The following PIGB variants were observed in gnomAD, a reference collection of about 807,000 sequenced individuals.
The protein encoded by PIGB is GPI alpha-1,2-mannosyltransferase 3.
Under a neutral mutation model 68.4 loss-of-function variants are expected in PIGB, and 58 were observed. That is an observed-to-expected ratio of 0.85 (90% confidence interval 0.69 to 1.06). The LOEUF (loss-of-function observed/expected upper bound fraction) is 1.06, where lower values mean the gene tolerates loss of function less well. PIGB is among the 50% of genes least tolerant of loss of function. The pLI, the probability that PIGB is intolerant of heterozygous loss-of-function variation, is 0.00. For synonymous variants in PIGB, 219 were observed against 220.5 expected (o/e 0.99, Z 0.06); for missense variants, 634 against 655.8 (o/e 0.97, Z 0.36).
In PIGB at chr15:55,354,909, G is replaced by A; in HGVS notation, c.1449G>A (p.Trp483Ter). 1 of 1,613,338 alleles carries A rather than the reference G, an allele frequency of 6.2e-7. No individual in the cohort carries two copies. The highest frequency in any genetic ancestry group is 8.5e-7 in the Non-Finnish European group (1 of 1,179,584). Residue 483 changes from tryptophan to a stop codon, truncating the protein, a stop_gained, in exon 11 of 12, where the codon TGG becomes TGA. Transcript: ENST00000164305. LOFTEE classifies it high-confidence loss of function. ...TATTTTACCTAAATCCCTTAAACTG[G>A]TTACATAGAGAGTTTCATGATGATG... ...ADVFYLNPLN[W>*]LHREFHDDAS...
At chr15:55,321,957 C>T (rs1325078036) in intron 3 of PIGB, among the ~76,000 whole-genome samples, 2 of 147,942 alleles carry the variant, frequency 1.4e-5, no homozygotes, top group African/African-American at 4.9e-5. Context: ...GGCGGATCAC[C>T]TGAGGTTGGG....
chr15:55,350,898 T>A lies in PIGB; in HGVS notation c.1323T>A (p.Ser441=). The A allele has an allele frequency of 6.4e-7, 1 of 1,551,044 alleles. No individual in the cohort carries two copies. Among genetic ancestry groups the A allele is most frequent in the Non-Finnish European group, 8.9e-7 (1 of 1,125,140 alleles). The change falls in exon 10 of 12, where the codon TCT becomes TCA. Residue 441 remains serine, a synonymous_variant. Coordinates refer to ENST00000164305, the MANE Select transcript of PIGB (RefSeq NM_004855.5). ...TATTTATAATGATGCCTTGCCACTC[T>A]ACTCCTTATTACAGGTAATAAAAGA... ...ASIFIMMPCH[S]TPYYSHVHCP...
intron 9 of PIGB, chr15:55,348,465 C>T (rs1378039798): frequency 6.6e-6 from 1 of 152,276 alleles, no homozygotes; most frequent in African/African-American, 2.4e-5. Context: ...GGAGGTGGGG[C>T]CTAATGGGAG....
rs377008200 is a variant in PIGB, at chr15:55,355,380, A to T, written c.1613A>T (p.Tyr538Phe). The T allele has an allele frequency of 3.1e-6, 5 of 1,611,824 alleles. No individual in the cohort carries two copies. In the African/African-American group the frequency reaches 5.3e-5, roughly 17 times the overall value. Residue 538 changes from tyrosine to phenylalanine, a missense_variant, in exon 12 of 12, where the codon TAT (tyrosine) becomes TTT (phenylalanine). Tyr to Phe is a conservative substitution (Grantham distance 22, BLOSUM62 3). Coordinates refer to ENST00000164305, the MANE Select transcript of PIGB (RefSeq NM_004855.5). ...LPEGRIGSHI[Y>F]VYERKLKGKF... ...GAGGGTCGAATTGGAAGTCACATAT[A>T]TGTCTATGAACGGAAGTTAAAAGGG...
At chr15:55,320,456 T>G (rs2055137670) in intron 2 of PIGB, 46 bp downstream of exon 2, 1 of 1,573,634 alleles carries the variant, frequency 6.4e-7, no homozygotes, top group African/African-American at 1.4e-5. Context: ...TGTATTCATC[T>G]TGGAAATTGT....
In PIGB at chr15:55,341,063, T is replaced by TA. The variant is rs11353654; in HGVS notation, c.1058+254dup. Among the ~76,000 whole-genome samples, 710 of 144,810 alleles carry TA rather than the reference T, an allele frequency of 4.9e-3. 7 individuals are homozygous for TA. Among genetic ancestry groups the TA allele is most frequent in the Middle Eastern group, 7.2e-3 (2 of 276 alleles). ...GAACTTGGACTAATTTTATTTGCTTTAAAAAAAAAAAAAACAGACCAGGCA... is the reference window on the plus strand; with the variant it reads ...GAACTTGGACTAATTTTATTTGCTTTAAAAAAAAAAAAAAACAGACCAGGCA... On this transcript the variant is annotated intron_variant, in intron 8 of 11. Transcript: ENST00000164305.
intron 11 of PIGB, 96 bp from the exon 12 acceptor site, chr15:55,355,190 T>C: frequency 9.6e-7 from 1 of 1,037,384 alleles, no homozygotes; most frequent in Admixed American, 2.8e-5. Context: ...AGCAAAAAGT[T>C]GTAGACAGCA....
Position 55,319,229 on chromosome 15 carries a change from C to T in PIGB, c.-22C>T, listed in dbSNP as rs1313067499. ...GCGCGCTACTGCAGCTTTCTTCCGC[C>T]TTAGGAAGGTGGCGGCCAGGGATGA... On this transcript the variant is annotated 5_prime_UTR_variant, in exon 1 of 12. Transcript: ENST00000164305. 6.3e-7 allele frequency: 1 copy of T among 1,595,530 alleles called. No homozygotes were observed. The highest frequency in any genetic ancestry group is 8.5e-7 in the Non-Finnish European group (1 of 1,171,428).
intron 6 of PIGB, among the ~76,000 whole-genome samples, chr15:55,338,031 C>A (rs1444761990): frequency 6.6e-6 from 1 of 152,120 alleles, no homozygotes; most frequent in African/African-American, 2.4e-5. Flanking sequence ...CTTTGGGTTA[C>A]TTTTGGGGAG....
chr15:55,319,450 C>G, intron 1 of PIGB, 37 bp downstream of exon 1: 4 of 1,511,040 alleles, frequency 2.6e-6, no homozygotes, highest in African/African-American at 1.4e-5. Flanking sequence ...GCTCCTACCC[C>G]CATCTAAAAG....
chr15:55,326,244 T>C (rs982378288), intron 3 of PIGB, among the ~76,000 whole-genome samples: 2 of 151,796 alleles, frequency 1.3e-5, no homozygotes, highest in Non-Finnish European at 2.9e-5. Flanking sequence ...TATTTCTTAT[T>C]ATCTTATTTT....
chr15:55,332,529 C>G (rs973279317), intron 5 of PIGB, among the ~76,000 whole-genome samples: 1 of 151,980 alleles, frequency 6.6e-6, no homozygotes, highest in African/African-American at 2.4e-5. Context: ...TGCCACCACA[C>G]CCAGCTAATT....
chr15:55,354,811 C>A lies in PIGB; in HGVS notation c.1351C>A (p.Pro451Thr). The A allele has an allele frequency of 6.2e-7, 1 of 1,608,180 alleles. No individual in the cohort carries two copies. Among genetic ancestry groups the A allele is most frequent in the African/African-American group, 1.3e-5 (1 of 74,676 alleles). ...TTCTTTTCATAGCCATGTTCACTGC[C>A]CACTTCCCATGAGATTTCTCCAGTG... ...STPYYSHVHC[P>T]LPMRFLQCPP... Residue 451 changes from proline (P) to threonine (T), a missense_variant, in exon 11 of 12, where the codon CCA becomes ACA. Transcript: ENST00000164305.
intron 4 of PIGB, 121 bp from the exon 5 acceptor site, chr15:55,329,603 C>T (rs2141176404): frequency 1.3e-6 from 1 of 783,034 alleles, no homozygotes; most frequent in Non-Finnish European, 2.0e-6. Flanking sequence ...CTTACTTTAA[C>T]ATCATCTACC....
At chr15:55,355,134 G>A (rs1466999714) in intron 11 of PIGB, 152 bp from the exon 12 acceptor site, 8 of 881,446 alleles carry the variant, frequency 9.1e-6, no homozygotes, top group African/African-American at 5.2e-5. Context: ...CCCCAGTTCT[G>A]TAACTATCAA....
rs1455496257 is a variant in PIGB, at chr15:55,340,838, G to A, written c.1058+15G>A. On this transcript the variant is annotated intron_variant, in intron 8 of 11. Transcript: ENST00000164305. ...CTTGTTTATAGGTAAGATTTTATTT[G>A]TTCAAAAGGCTAAAATTTTTTATGT... The A allele has an allele frequency of 6.1e-6, 9 of 1,476,366 alleles. No individual in the cohort carries two copies. The highest frequency in any genetic ancestry group is 7.3e-6 in the Non-Finnish European group (8 of 1,092,058). The allele number at this position is 1,476,366 out of a possible 1,614,324, so 91.5% of individuals were successfully genotyped here.
At chr15:55,349,064 T>A (rs2055867629) in intron 9 of PIGB, among the ~76,000 whole-genome samples, 1 of 151,730 alleles carries the variant, frequency 6.6e-6, no homozygotes, top group South Asian at 2.1e-4. Flanking sequence ...TATATTTTAG[T>A]AGAGATGGGG....
At chr15:55,323,520 G>A (rs1024211453) in intron 3 of PIGB, among the ~76,000 whole-genome samples, 6 of 152,184 alleles carry the variant, frequency 3.9e-5, no homozygotes, top group South Asian at 2.1e-4. Context: ...GTAGCCACTA[G>A]CTACATGTAG....
At chr15:55,352,509 G>T (rs1415693615) in intron 10 of PIGB, among the ~76,000 whole-genome samples, 2 of 152,164 alleles carry the variant, frequency 1.3e-5, no homozygotes, top group East Asian at 3.9e-4. Context: ...ATACCAGGCT[G>T]GGCGTTGTGG....
Sources: gnomAD v4.1 joint callset for allele counts (sites outside exome capture counted in the v4.1 genomes callset) on GRCh38, gnomAD v4.1.1 for gene constraint, MANE v1.5 for transcripts, NCBI Gene and HGNC (gene_info 2026-07-23, HGNC 2026-07-21) for gene names.